The following RSRC1 variants were observed in gnomAD, a reference collection of about 807,000 sequenced individuals.
The protein encoded by RSRC1 is arginine and serine rich coiled-coil 1.
A neutral mutation model predicts 49.1 loss-of-function variants in RSRC1; 39 were observed. The observed-to-expected ratio is 0.79, with a 90% CI of 0.61 to 1.04. The LOEUF is 1.04. Among genes scored for constraint, RSRC1 ranks in the 50% least tolerant of loss-of-function variants. The pLI, the probability that RSRC1 is intolerant of heterozygous loss-of-function variation, is 0.00. For missense variants in RSRC1, 388 were observed against 402.4 expected, an observed-to-expected ratio of 0.96 and a Z score of 0.31; for synonymous variants, 143 against 130.8, an observed-to-expected ratio of 1.09 and a Z score of -0.63.
intron 5 of RSRC1, among the ~76,000 whole-genome samples, chr3:158,314,716 A>G (rs1283711829): frequency 6.6e-6 from 1 of 152,220 alleles, no homozygotes. Flanking sequence ...GTTTTCCGGT[A>G]TGGTTAAAAT....
intron 4 of RSRC1, among the ~76,000 whole-genome samples, chr3:158,253,295 T>G (rs1724333848): frequency 6.6e-6 from 1 of 152,116 alleles, no homozygotes; most frequent in African/African-American, 2.4e-5. Context: ...TTCTTGAAAT[T>G]TTTTTATTTT....
intron 3 of RSRC1, among the ~76,000 whole-genome samples, chr3:158,199,811 T>TAC (rs1720924068): frequency 1.3e-5 from 2 of 152,180 alleles, no homozygotes; most frequent in Admixed American, 6.5e-5. Flanking sequence ...TCCATATATC[T>TAC]GGAGGTTTTC....
chr3:158,152,571 T>A (rs1025401316), intron 3 of RSRC1, among the ~76,000 whole-genome samples: 5 of 152,206 alleles, frequency 3.3e-5, no homozygotes, highest in African/African-American at 7.2e-5. Flanking sequence ...GTTCTTCCCA[T>A]CAGTATTCTC....
intron 3 of RSRC1, among the ~76,000 whole-genome samples, chr3:158,162,066 G>A (rs1718261966): frequency 6.6e-6 from 1 of 152,190 alleles, no homozygotes; most frequent in African/African-American, 2.4e-5. Context: ...ACTGAGCTCT[G>A]CCTATGGTGG....
intron 4 of RSRC1, among the ~76,000 whole-genome samples, chr3:158,229,258 G>T (rs1459123162): frequency 7.1e-6 from 1 of 140,192 alleles, no homozygotes. Flanking sequence ...AAACATACAT[G>T]TATATGTGTA....
chr3:158,248,601 CT>C (rs35048391), intron 4 of RSRC1, among the ~76,000 whole-genome samples: 67,622 of 143,494 alleles, frequency 0.47, 15,974 homozygotes, highest in East Asian at 0.63. Context: ...TTTGGATTAA[CT>C]TTTTTTTTTT....
At chr3:158,345,186 C>T (rs559844908) in intron 5 of RSRC1, among the ~76,000 whole-genome samples, 98 of 151,512 alleles carry the variant, frequency 6.5e-4, no homozygotes, top group Middle Eastern at 3.4e-3. Context: ...GAGATTGTGC[C>T]GCTGCACTCC....
At chr3:158,396,392 G>GTTT (rs202186075) in intron 6 of RSRC1, among the ~76,000 whole-genome samples, 2 of 136,092 alleles carry the variant, frequency 1.5e-5, no homozygotes, top group Non-Finnish European at 3.2e-5. Context: ...GATGGGCAAT[G>GTTT]TTTTTTTTTT....
intron 6 of RSRC1, among the ~76,000 whole-genome samples, chr3:158,444,451 C>T (rs1299077745): frequency 6.6e-6 from 1 of 152,058 alleles, no homozygotes; most frequent in Admixed American, 6.6e-5. Flanking sequence ...AACTGGCTAG[C>T]CATATATAGA....
chr3:158,444,512 A>G (rs1231498010), intron 6 of RSRC1, among the ~76,000 whole-genome samples: 1 of 151,706 alleles, frequency 6.6e-6, no homozygotes, highest in Non-Finnish European at 1.5e-5. Flanking sequence ...GTAAGTCAAG[A>G]TGGATTAAAG....
intron 5 of RSRC1, among the ~76,000 whole-genome samples, chr3:158,303,782 C>T (rs1426914445): frequency 6.6e-6 from 1 of 152,116 alleles, no homozygotes; most frequent in Non-Finnish European, 1.5e-5. Context: ...AAAAAGTTTA[C>T]AGAGGGGCAA....
chr3:158,421,850 C>T (rs576126305), intron 6 of RSRC1, among the ~76,000 whole-genome samples: 3 of 151,796 alleles, frequency 2.0e-5, no homozygotes, highest in Admixed American at 6.6e-5. Context: ...GTTTATAGGT[C>T]ATTTTGCAAA....
At chr3:158,205,822 T>TAA (rs1004984190) in intron 4 of RSRC1, among the ~76,000 whole-genome samples, 4 of 151,478 alleles carry the variant, frequency 2.6e-5, no homozygotes, top group African/African-American at 7.3e-5. Context: ...GCTGATGAGC[T>TAA]AAAAAAAAAT....
At chr3:158,512,191 TG>T (rs1740226653) in intron 7 of RSRC1, among the ~76,000 whole-genome samples, 1 of 148,078 alleles carries the variant, frequency 6.8e-6, no homozygotes, top group Non-Finnish European at 1.5e-5. Context: ...TCCTTGCCCA[TG>T]CCTATGTCCT....
intron 5 of RSRC1, among the ~76,000 whole-genome samples, chr3:158,300,565 A>G (rs1312342752): frequency 6.6e-6 from 1 of 152,166 alleles, no homozygotes; most frequent in Non-Finnish European, 1.5e-5. Flanking sequence ...ACTGCTGAGC[A>G]TATTGTTTAG....
intron 8 of RSRC1, 64 bp from the exon 9 acceptor site, chr3:158,543,271 A>G (rs944511823): frequency 4.5e-6 from 6 of 1,337,090 alleles, no homozygotes; most frequent in Non-Finnish European, 5.9e-6. Flanking sequence ...AAAATCAGAA[A>G]TATTTTTGAA....
chr3:158,367,135 T>C (rs1189889009), intron 6 of RSRC1, among the ~76,000 whole-genome samples: 1 of 152,044 alleles, frequency 6.6e-6, no homozygotes, highest in Admixed American at 6.6e-5. Context: ...TACCCTTTCT[T>C]TCTTTCTCTT....
At chr3:158,200,270 C>A (rs2108275753) in intron 3 of RSRC1, among the ~76,000 whole-genome samples, 1 of 152,238 alleles carries the variant, frequency 6.6e-6, no homozygotes, top group East Asian at 1.9e-4. Flanking sequence ...GATCTCCTGA[C>A]CTCGTGATCC....
chr3:158,320,039 A>G (rs1295026204), intron 5 of RSRC1, among the ~76,000 whole-genome samples: 3 of 152,230 alleles, frequency 2.0e-5, no homozygotes. Context: ...GATGTAAAAT[A>G]GCATTGTTGT....
Sources: gnomAD v4.1 joint callset for allele counts (sites outside exome capture counted in the v4.1 genomes callset) on GRCh38, gnomAD v4.1.1 for gene constraint, MANE v1.5 for transcripts, NCBI Gene and HGNC (gene_info 2026-07-23, HGNC 2026-07-21) for gene names.